Variants in ZFP64 observed in about 807,000 individuals in gnomAD.
ZFP64 encodes ZFP64 zinc finger protein, also known as zinc finger protein 64.
Under a neutral mutation model 51.6 loss-of-function variants are expected in ZFP64, and 14 were observed. That is an observed-to-expected ratio of 0.27 (90% CI 0.18 to 0.42). The LOEUF (loss-of-function observed/expected upper bound fraction) is 0.42, where lower values mean the gene tolerates loss of function less well. ZFP64 is among the 10% of genes least tolerant of loss of function. The pLI, the probability that ZFP64 is intolerant of heterozygous loss-of-function variation, is 1.00. For missense variants in ZFP64, 754 were observed against 906.8 expected (o/e 0.83, Z 2.16); for synonymous variants, 375 against 361.4 (o/e 1.04, Z -0.43).
chr20:52,155,638 C>T (rs1309756648), intron 5 of ZFP64, among the ~76,000 whole-genome samples: 2 of 151,418 alleles, frequency 1.3e-5, no homozygotes, highest in South Asian at 2.1e-4. Flanking sequence ...TTTTAAATTC[C>T]TTTGTCTTTT....
chr20:52,094,421 C>T (rs1051287630), intron 7 of ZFP64, among the ~76,000 whole-genome samples: 1 of 152,214 alleles, frequency 6.6e-6, no homozygotes, highest in Admixed American at 6.5e-5. Flanking sequence ...ATAAATCAGT[C>T]TCCTTTACGA....
chr20:52,086,726 C>T (rs2078869414), intron 8 of ZFP64, among the ~76,000 whole-genome samples: 1 of 152,156 alleles, frequency 6.6e-6, no homozygotes, highest in Non-Finnish European at 1.5e-5. Flanking sequence ...GATCTGCCTG[C>T]CTCAGCCTCC....
intron 5 of ZFP64, among the ~76,000 whole-genome samples, chr20:52,099,971 GA>G (rs2079033197): frequency 6.6e-6 from 1 of 152,038 alleles, no homozygotes; most frequent in Non-Finnish European, 1.5e-5. Context: ...AATCTAAAAG[GA>G]AAAAAGGTCC....
intron 5 of ZFP64, among the ~76,000 whole-genome samples, chr20:52,125,371 C>T (rs886675945): frequency 7.2e-5 from 11 of 152,130 alleles, no homozygotes; most frequent in Admixed American, 2.6e-4. Context: ...ACAGCCATAA[C>T]CATGACCAAG....
chr20:52,124,192 T>TAAAAAAAAAAA (rs33931169), intron 5 of ZFP64, among the ~76,000 whole-genome samples: 1 of 114,056 alleles, frequency 8.8e-6, no homozygotes. Context: ...TTGTTAAATG[T>TAAAAAAAAAAA]AAAAAAAAAA....
intron 2 of ZFP64, among the ~76,000 whole-genome samples, chr20:52,178,220 GC>G (rs1213237576): frequency 6.6e-6 from 1 of 152,020 alleles, no homozygotes; most frequent in Non-Finnish European, 1.5e-5. Context: ...TTATGCACAA[GC>G]AAGTTTGAGA....
At chr20:52,112,095 A>ACC (rs201709265) in intron 5 of ZFP64, among the ~76,000 whole-genome samples, 1 of 140,372 alleles carries the variant, frequency 7.1e-6, no homozygotes, top group African/African-American at 2.6e-5. Flanking sequence ...AAAAAAAAAA[A>ACC]AAAAACAAAA....
At chr20:52,132,956 C>T (rs919299936) in intron 5 of ZFP64, among the ~76,000 whole-genome samples, 4 of 152,000 alleles carry the variant, frequency 2.6e-5, no homozygotes, top group African/African-American at 9.7e-5. Context: ...TGCAAAAATC[C>T]TCAACAAAAT....
intron 2 of ZFP64, among the ~76,000 whole-genome samples, chr20:52,171,171 C>A (rs1982685125): frequency 6.6e-6 from 1 of 152,138 alleles, no homozygotes; most frequent in Non-Finnish European, 1.5e-5. Flanking sequence ...TCAAGGGTAT[C>A]CCTTCCCACA....
intron 1 of ZFP64, among the ~76,000 whole-genome samples, chr20:52,187,867 T>C (rs1984088485): frequency 1.3e-5 from 2 of 152,192 alleles, no homozygotes; most frequent in South Asian, 4.1e-4. Context: ...AGCCACCTCC[T>C]ATCCCAACTA....
At chr20:52,101,304 C>T (rs972157213) in intron 5 of ZFP64, among the ~76,000 whole-genome samples, 2 of 152,186 alleles carry the variant, frequency 1.3e-5, no homozygotes, top group African/African-American at 4.8e-5. Flanking sequence ...TTACCCTATA[C>T]TCACTGAAAA....
chr20:52,086,358 AC>A (rs1678045531), intron 8 of ZFP64, among the ~76,000 whole-genome samples: 1 of 152,048 alleles, frequency 6.6e-6, no homozygotes, highest in South Asian at 2.1e-4. Flanking sequence ...TTCTTTTCTT[AC>A]GTGTTGCTCA....
intron 5 of ZFP64, among the ~76,000 whole-genome samples, chr20:52,142,373 C>CAG (rs1980298841): frequency 7.7e-6 from 1 of 129,098 alleles, no homozygotes; most frequent in Non-Finnish European, 1.6e-5. Context: ...ATCACACACA[C>CAG]ACAGACACAC....
chr20:52,170,144 G>A (rs1188346372), intron 2 of ZFP64, among the ~76,000 whole-genome samples: 3 of 151,728 alleles, frequency 2.0e-5, no homozygotes, highest in Admixed American at 2.0e-4. Flanking sequence ...GAAGCATCAT[G>A]AGTGGGCAGG....
chr20:52,148,477 G>C (rs1229825494), downstream of ZFP64, among the ~76,000 whole-genome samples: 1 of 152,234 alleles, frequency 6.6e-6, no homozygotes, highest in African/African-American at 2.4e-5. Context: ...GAGGTGGGCA[G>C]ATCACTGGAG....
intron 5 of ZFP64, among the ~76,000 whole-genome samples, chr20:52,104,493 A>G (rs2079088527): frequency 2.6e-5 from 4 of 152,134 alleles, no homozygotes; most frequent in Admixed American, 2.6e-4. Context: ...CTCAGATAAA[A>G]TGCAGAGCTC....
At chr20:52,094,797 A>G (rs890878251) in intron 7 of ZFP64, among the ~76,000 whole-genome samples, 2 of 152,148 alleles carry the variant, frequency 1.3e-5, no homozygotes, top group South Asian at 4.1e-4. Context: ...TTGAAATACA[A>G]CCACTATTCC....
At chr20:52,164,593 AG>A in intron 4 of ZFP64, 101 bp downstream of exon 4, 2 of 967,638 alleles carry the variant, frequency 2.1e-6, no homozygotes, top group Non-Finnish European at 3.3e-6. Context: ...CATAACAGCC[AG>A]TGACGTTTGG....
chr20:52,101,941 A>G (rs74858290), intron 5 of ZFP64, among the ~76,000 whole-genome samples: 2 of 60,184 alleles, frequency 3.3e-5, no homozygotes, highest in African/African-American at 2.5e-4. Flanking sequence ...TAAAAATACC[A>G]AAAAAAAAAA....
Sources: allele counts gnomAD v4.1 joint callset (sites outside exome capture counted in the v4.1 genomes callset), GRCh38; gene constraint gnomAD v4.1.1; transcripts MANE v1.5; gene names NCBI Gene and HGNC (gene_info 2026-07-23, HGNC 2026-07-21).